FAHD2B: variants seen among roughly 807,000 people sequenced by gnomAD.
FAHD2B encodes the protein fumarylacetoacetate hydrolase domain containing 2B, also known as oxaloacetate tautomerase FAHD2B, mitochondrial.
In FAHD2B, 26 loss-of-function variants were observed where a neutral mutation model predicts 33.7. The observed-to-expected ratio is 0.77, with a 90% CI of 0.57 to 1.07. The LOEUF is 1.07. Ranked by LOEUF, FAHD2B falls within the 50% of genes least tolerant of loss-of-function variation. The pLI is 0.00. For missense variants in FAHD2B, 272 were observed against 388.1 expected (o/e 0.70, Z 2.51); for synonymous variants, 108 against 150.9 (o/e 0.72, Z 2.08).
chr2:97,085,710 T>C lies in FAHD2B; in HGVS notation c.674A>G (p.Asp225Gly), dbSNP rs1473645550. The C allele has an allele frequency of 6.2e-7, 1 of 1,613,800 alleles. No individual in the cohort carries two copies. Reference protein sequence around the residue: ...CPLGPALVTKDSVADPHNLKI... With the variant: ...CPLGPALVTKGSVADPHNLKI... The stretch of plus-strand genomic sequence containing the variant: ...GACCAGGGACCTACCTGCTACACTG[T>C]CCTTGGTCACCAAGGCAGGGCCCAG... The change falls in exon 6 of 9, where the codon GAC becomes GGC. Residue 225 changes from aspartate to glycine, a missense_variant. By Grantham distance (94) the Asp-to-Gly change is moderately conservative. Coordinates refer to ENST00000414820, the MANE Select transcript of FAHD2B (RefSeq NM_001320848.2).
At chr2:97,082,073 A>C, downstream of FAHD2B, 1 of 1,585,728 alleles carries the variant, frequency 6.3e-7, no homozygotes. Context: ...ACTGATAGTG[A>C]CAGTGATGAC....
chr2:97,092,927 C>A (rs1353844891), intron 1 of FAHD2B, among the ~76,000 whole-genome samples: 1 of 130,038 alleles, frequency 7.7e-6, no homozygotes, highest in Non-Finnish European at 1.6e-5. Context: ...GAGCCAAGAA[C>A]ATGCCACATC....
Position 97,083,985 on chromosome 2 carries a change from C to T in FAHD2B, c.845G>A (p.Gly282Asp). Residue 282 changes from glycine (G) to aspartate (D), a missense_variant, in exon 8 of 9, where the codon GGT becomes GAT. Gly to Asp is a moderately conservative substitution (Grantham distance 94). Coordinates refer to ENST00000414820, the MANE Select transcript of FAHD2B (RefSeq NM_001320848.2). The stretch of plus-strand genomic sequence containing the variant: ...AGGAGGTTTCCTGAATACACCGACA[C>T]CTGGGGGGGTCCCAGTTAGGATGAC... ...GDVILTGTPP[G>D]VGVFRKPPVF... The T allele has an allele frequency of 6.2e-7, 1 of 1,613,840 alleles. No homozygotes were observed. The highest frequency in any genetic ancestry group is 8.5e-7 in the Non-Finnish European group (1 of 1,179,980).
In FAHD2B at chr2:97,090,020, G is replaced by A. The variant is rs555783460; in HGVS notation, c.462+89C>T. 1.8e-4 allele frequency: 277 copies of A among 1,524,806 alleles called. 1 individual carries two copies. The highest frequency in any genetic ancestry group is 2.2e-4 in the Non-Finnish European group (244 of 1,115,586). 94.5% of individuals were successfully genotyped at this position (1,524,806 alleles called of 1,614,324 possible). On this transcript the variant is annotated intron_variant, in intron 4 of 8. Transcript: ENST00000414820. ...GTTTCTGTTGAATGCACTACTGAGCGAGAGGTGGCTCCAGTAGGCTCAATA... is the reference window on the plus strand; with the variant it reads ...GTTTCTGTTGAATGCACTACTGAGCAAGAGGTGGCTCCAGTAGGCTCAATA...
chr2:97,091,924 G>A lies in FAHD2B; in HGVS notation c.-68C>T, dbSNP rs1011838850. ...GCAACTACTACATGCTACGCAGTAA[G>A]TCCCAGGGATTCCAGCGTTCCTTCA... On this transcript the variant is annotated 5_prime_UTR_variant, in exon 2 of 9. Coordinates refer to ENST00000414820, the MANE Select transcript of FAHD2B (RefSeq NM_001320848.2). 11 of 570,198 alleles carry A rather than the reference G, an allele frequency of 1.9e-5. No individual in the cohort carries two copies. The highest frequency in any genetic ancestry group is 8.8e-6 in the Non-Finnish European group (3 of 340,594). 35.3% of individuals were successfully genotyped at this position (570,198 alleles called of 1,614,324 possible). A position where few individuals can be genotyped will look rare whatever the true frequency, so the allele number is the denominator to read the frequency against.
At chr2:97,084,804 T>C (rs1434098356) in intron 6 of FAHD2B, among the ~76,000 whole-genome samples, 1 of 151,160 alleles carries the variant, frequency 6.6e-6, no homozygotes, top group East Asian at 1.9e-4. Flanking sequence ...TCCCAGCTAC[T>C]CAGGAGGCTG....
intron 1 of FAHD2B, among the ~76,000 whole-genome samples, chr2:97,093,231 T>C (rs2032458544): frequency 6.6e-6 from 1 of 152,024 alleles, no homozygotes; most frequent in Non-Finnish European, 1.5e-5. Context: ...TCAATCTGCC[T>C]TGTTCAGTTA....
At position 97,090,295 on chromosome 2, in the gene FAHD2B, T is replaced by C. The variant is rs745627568; in HGVS notation, c.276A>G (p.Pro92=). 5 of 1,613,422 alleles carry C rather than the reference T, an allele frequency of 3.1e-6. No individual in the cohort carries two copies. Among genetic ancestry groups the C allele is most frequent in the East Asian group, 4.5e-5 (2 of 44,878 alleles). Residue 92 remains proline (P), a synonymous_variant, in exon 4 of 9, where the codon CCA becomes CCG. Coordinates refer to ENST00000414820, the MANE Select transcript of FAHD2B (RefSeq NM_001320848.2). ...GAGCCAGGAAGGTTACCTCCGACCA[T>C]GGTAGGACTGGCAACTGGGCAGCCA... ...RALAAQLPVL[P]WSEVTFLAPV...
intron 1 of FAHD2B, among the ~76,000 whole-genome samples, chr2:97,092,890 T>C (rs531158168): frequency 1.3e-5 from 2 of 148,870 alleles, no homozygotes; most frequent in South Asian, 4.3e-4. Context: ...AGAGAATCAC[T>C]TGAACACAGG....
chr2:97,090,387 C>A, intron 3 of FAHD2B, 62 bp from the exon 4 acceptor site: 1 of 1,471,846 alleles, frequency 6.8e-7, no homozygotes, highest in Non-Finnish European at 9.0e-7. Flanking sequence ...CCCGGGCAGG[C>A]TGGGCAGATC....
intron 4 of FAHD2B, among the ~76,000 whole-genome samples, chr2:97,089,091 G>A (rs1344685588): frequency 2.0e-5 from 3 of 151,940 alleles, no homozygotes; most frequent in African/African-American, 7.2e-5. Flanking sequence ...ACCAGTGTTA[G>A]TAAGGGTATA....
Position 97,085,818 on chromosome 2 carries a change from T to C in FAHD2B, c.566A>G (p.His189Arg). ...TAGCCAGTCACGAGCACTCACGTCA[T>C]GAGCCACAGTGAAGCCGGCCACGTG... ...MAHVAGFTVA[H>R]DVSARDWLTR... The change falls in exon 6 of 9, where the codon CAT becomes CGT. Residue 189 changes from histidine to arginine, a missense_variant. His to Arg is a conservative substitution (Grantham distance 29, BLOSUM62 0). Coordinates refer to ENST00000414820, the MANE Select transcript of FAHD2B (RefSeq NM_001320848.2). 4 of 1,613,856 alleles carry C rather than the reference T, an allele frequency of 2.5e-6. No individual in the cohort carries two copies. Among genetic ancestry groups the C allele is most frequent in the African/African-American group, 1.3e-5 (1 of 75,048 alleles).
At chr2:97,080,987 G>T, downstream of FAHD2B, 12 of 955,256 alleles carry the variant, frequency 1.3e-5, no homozygotes, top group Non-Finnish European at 1.7e-5. Context: ...AGCTTTGGGG[G>T]CTGGGCGCGG....
At chr2:97,081,750 G>A (rs2031652152), downstream of FAHD2B, among the ~76,000 whole-genome samples, 1 of 148,578 alleles carries the variant, frequency 6.7e-6, no homozygotes, top group African/African-American at 2.6e-5. Flanking sequence ...CTGGACATGT[G>A]TGCCTCTGAG....
chr2:97,085,634 T>C, intron 6 of FAHD2B, 65 bp downstream of exon 6: 1 of 1,594,816 alleles, frequency 6.3e-7, no homozygotes, highest in Non-Finnish European at 8.6e-7. Context: ...GAACCCATGC[T>C]CCTCCCTGGA....
chr2:97,090,633 C>T (rs981647830), intron 3 of FAHD2B, among the ~76,000 whole-genome samples: 20 of 152,106 alleles, frequency 1.3e-4, no homozygotes, highest in Non-Finnish European at 4.4e-5. Flanking sequence ...TGGCTCTTCG[C>T]AGCTACTCTA....
chr2:97,091,408 G>A lies in FAHD2B; in HGVS notation c.245+54C>T. ...CTGGTGCTGTTTCCCAGAGCGGGGA[G>A]GGTGCAGGGGGACCAGGGCAGCTGC... On this transcript the variant is annotated intron_variant, in intron 3 of 8. Coordinates refer to ENST00000414820, the MANE Select transcript of FAHD2B (RefSeq NM_001320848.2). 6.0e-6 allele frequency: 9 copies of A among 1,488,748 alleles called. No homozygotes were observed. The South Asian group carries it at 1.1e-4, about 18-fold the overall frequency. The allele number at this position is 1,488,748 out of a possible 1,614,324, so 92.2% of individuals were successfully genotyped here.
chr2:97,082,451 A>G, downstream of FAHD2B: 1 of 1,613,336 alleles, frequency 6.2e-7, no homozygotes, highest in Non-Finnish European at 8.5e-7. Flanking sequence ...CCGCCCAGGA[A>G]GAAGGGATCT....
Position 97,091,620 on chromosome 2 carries a change from T to C in FAHD2B, c.87A>G (p.Leu29=), listed in dbSNP as rs2032348293. Residue 29 remains leucine (L), a synonymous_variant, in exon 3 of 9, where the codon CTA becomes CTG. Transcript: ENST00000414820. ...CCAGGTGGGGTGCCCGGAACTGCACTAGTCTCATGTCTCTGGAGGGTTGAA... is the reference window on the plus strand; with the variant it reads ...CCAGGTGGGGTGCCCGGAACTGCACCAGTCTCATGTCTCTGGAGGGTTGAA... ...WPFQPSRDMR[L]VQFRAPHLVG... is the part of the protein sequence containing the mutation. 1 of 1,613,838 alleles carries C rather than the reference T, an allele frequency of 6.2e-7. No individual in the cohort carries two copies. Among genetic ancestry groups the C allele is most frequent in the Admixed American group, 1.7e-5 (1 of 59,960 alleles).
Sources: allele counts gnomAD v4.1 joint callset (sites outside exome capture counted in the v4.1 genomes callset), GRCh38; gene constraint gnomAD v4.1.1; transcripts MANE v1.5; gene names NCBI Gene and HGNC (gene_info 2026-07-23, HGNC 2026-07-21).